The following CSMD1 variants were observed in gnomAD, a reference collection of about 807,000 sequenced individuals.
CSMD1 encodes CUB and sushi domain-containing protein 1.
Under a neutral mutation model 417.5 loss-of-function variants are expected in CSMD1, and 213 were observed. That is an observed-to-expected ratio of 0.51 (90% CI 0.46 to 0.57). CSMD1 has a LOEUF of 0.57. Among genes scored for constraint, CSMD1 ranks in the 20% least tolerant of loss-of-function variants. The probability of loss-of-function intolerance (pLI) is 0.00; values close to 1 mark genes in which losing one functional copy is unlikely to be tolerated. For missense variants in CSMD1, 6,923 were observed against 4,529.7 expected, an observed-to-expected ratio of 1.53 and a Z score of -15.17; for synonymous variants, 2,862 against 1,736.8, an observed-to-expected ratio of 1.65 and a Z score of -16.11.
chr8:4,098,786 T>A (rs1017808849), intron 3 of CSMD1, among the ~76,000 whole-genome samples: 1 of 152,174 alleles, frequency 6.6e-6, no homozygotes, highest in Non-Finnish European at 1.5e-5. Flanking sequence ...CAGTCATTAC[T>A]AATAAGAAGA....
chr8:3,750,740 G>A (rs906658513), intron 6 of CSMD1, among the ~76,000 whole-genome samples: 4 of 152,138 alleles, frequency 2.6e-5, no homozygotes, highest in Admixed American at 6.5e-5. Context: ...GGACAGCCCC[G>A]TGTGGAGGGC....
At chr8:3,321,027 A>C (rs1035269399) in intron 23 of CSMD1, among the ~76,000 whole-genome samples, 2 of 152,074 alleles carry the variant, frequency 1.3e-5, no homozygotes, top group African/African-American at 4.8e-5. Flanking sequence ...TCGCTTTTGT[A>C]TTTCCCAGTT....
intron 1 of CSMD1, among the ~76,000 whole-genome samples, chr8:4,732,029 C>G (rs1276028654): frequency 6.6e-6 from 1 of 152,136 alleles, no homozygotes; most frequent in Non-Finnish European, 1.5e-5. Flanking sequence ...CCAGTGTTGA[C>G]TGCATGCCTC....
chr8:4,442,098 C>A (rs961404426), intron 2 of CSMD1, among the ~76,000 whole-genome samples: 1 of 152,064 alleles, frequency 6.6e-6, no homozygotes, highest in Non-Finnish European at 1.5e-5. Flanking sequence ...AAACACGTGA[C>A]GAAATGCTTA....
intron 3 of CSMD1, among the ~76,000 whole-genome samples, chr8:4,345,509 A>C (rs1249712346): frequency 6.6e-6 from 1 of 152,138 alleles, no homozygotes; most frequent in East Asian, 1.9e-4. Context: ...AAACAGTGAC[A>C]AAGTGAAGAG....
intron 5 of CSMD1, among the ~76,000 whole-genome samples, chr8:3,945,013 G>C (rs1811127288): frequency 6.6e-6 from 1 of 152,154 alleles, no homozygotes; most frequent in African/African-American, 2.4e-5. Context: ...AGTCAAATGT[G>C]AAATGTCAGA....
intron 1 of CSMD1, among the ~76,000 whole-genome samples, chr8:4,758,919 G>A (rs35789962): frequency 0.3 from 46,303 of 152,102 alleles, 7,895 homozygotes; most frequent in Admixed American, 0.45. Context: ...AGTGGTGAGG[G>A]ATGAGGGGGA....
chr8:3,260,452 C>G (rs1406621576), intron 26 of CSMD1, among the ~76,000 whole-genome samples: 2 of 151,836 alleles, frequency 1.3e-5, no homozygotes, highest in Non-Finnish European at 1.5e-5. Flanking sequence ...TCAACTCAGC[C>G]CAGACTCCAG....
At chr8:4,986,066 T>C (rs1238749058) in intron 1 of CSMD1, among the ~76,000 whole-genome samples, 1 of 152,208 alleles carries the variant, frequency 6.6e-6, no homozygotes, top group African/African-American at 2.4e-5. Flanking sequence ...AGTACACTAC[T>C]TTCCTACCAA....
intron 25 of CSMD1, among the ~76,000 whole-genome samples, chr8:3,300,807 A>C (rs567363670): frequency 6.7e-6 from 1 of 149,982 alleles, no homozygotes; most frequent in African/African-American, 2.4e-5. Context: ...AATACAAAAA[A>C]AATTAGCTGG....
At chr8:4,956,137 G>T (rs982164697) in intron 1 of CSMD1, among the ~76,000 whole-genome samples, 1 of 152,044 alleles carries the variant, frequency 6.6e-6, no homozygotes, top group African/African-American at 2.4e-5. Context: ...CGCTCATAAT[G>T]GATGACAGAG....
chr8:3,708,790 C>T (rs1205203060), intron 6 of CSMD1, among the ~76,000 whole-genome samples: 1 of 152,108 alleles, frequency 6.6e-6, no homozygotes, highest in Non-Finnish European at 1.5e-5. Context: ...CAGATTCCAC[C>T]AATCATTATC....
intron 3 of CSMD1, among the ~76,000 whole-genome samples, chr8:4,066,567 G>C (rs1012146676): frequency 1.3e-5 from 2 of 152,154 alleles, no homozygotes; most frequent in African/African-American, 2.4e-5. Context: ...CTTGTTACAT[G>C]ATGTGGTAAT....
intron 7 of CSMD1, among the ~76,000 whole-genome samples, chr8:3,617,807 A>G (rs760426534): frequency 1.3e-5 from 2 of 152,168 alleles, no homozygotes; most frequent in Non-Finnish European, 2.9e-5. Flanking sequence ...ATTATAGCTG[A>G]TTTACTATAG....
At chr8:3,350,762 T>C (rs1303462572) in intron 21 of CSMD1, among the ~76,000 whole-genome samples, 1 of 152,164 alleles carries the variant, frequency 6.6e-6, no homozygotes. Context: ...GAAAGAATAA[T>C]TGAGCATTTG....
At chr8:3,610,513 T>C (rs997035416) in intron 8 of CSMD1, among the ~76,000 whole-genome samples, 2 of 152,198 alleles carry the variant, frequency 1.3e-5, no homozygotes, top group Non-Finnish European at 2.9e-5. Context: ...AGATTGTCTC[T>C]ATAAAAATAA....
At chr8:3,720,245 A>G (rs887905965) in intron 6 of CSMD1, among the ~76,000 whole-genome samples, 1 of 152,170 alleles carries the variant, frequency 6.6e-6, no homozygotes, top group Non-Finnish European at 1.5e-5. Flanking sequence ...CTTCACTTCC[A>G]ATGGAGAAAT....
intron 2 of CSMD1, among the ~76,000 whole-genome samples, chr8:4,487,043 A>G (rs747041963): frequency 1.8e-4 from 28 of 152,150 alleles, no homozygotes; most frequent in Non-Finnish European, 3.8e-4. Context: ...GAGAATTGTA[A>G]TATCTTTCCG....
intron 3 of CSMD1, among the ~76,000 whole-genome samples, chr8:4,048,754 G>T (rs931543865): frequency 6.6e-6 from 1 of 152,116 alleles, no homozygotes; most frequent in Non-Finnish European, 1.5e-5. Context: ...TATATAAAAT[G>T]CAAAGCTGTG....
Sources: gnomAD v4.1 joint callset for allele counts (sites outside exome capture counted in the v4.1 genomes callset) on GRCh38, gnomAD v4.1.1 for gene constraint, MANE v1.5 for transcripts, NCBI Gene and HGNC (gene_info 2026-07-23, HGNC 2026-07-21) for gene names.